The following CBLB variants were observed in gnomAD, a reference collection of about 807,000 sequenced individuals.
CBLB encodes E3 ubiquitin-protein ligase CBL-B.
Under a neutral mutation model 104.9 loss-of-function variants are expected in CBLB, and 31 were observed. That is an observed-to-expected ratio of 0.30 (90% CI 0.22 to 0.40). The LOEUF (loss-of-function observed/expected upper bound fraction) is 0.40, where lower values mean the gene tolerates loss of function less well. Ranked by LOEUF, CBLB falls within the 10% of genes least tolerant of loss-of-function variation. CBLB has a pLI of 1.00. For synonymous variants in CBLB, 440 were observed against 422.6 expected, an observed-to-expected ratio of 1.04 and a Z score of -0.51; for missense variants, 1,062 against 1,214.6, an observed-to-expected ratio of 0.87 and a Z score of 1.87.
At chr3:105,810,118 G>A (rs2084075550) in intron 3 of CBLB, among the ~76,000 whole-genome samples, 1 of 152,096 alleles carries the variant, frequency 6.6e-6, no homozygotes, top group Non-Finnish European at 1.5e-5. Flanking sequence ...CTTGATAGGA[G>A]CTCTACAAAT....
At chr3:105,840,638 C>T (rs1369003787) in intron 3 of CBLB, among the ~76,000 whole-genome samples, 7 of 152,154 alleles carry the variant, frequency 4.6e-5, no homozygotes, top group African/African-American at 7.2e-5. Flanking sequence ...ATTACATGCA[C>T]ACCCCAGTGT....
At chr3:105,721,886 T>C (rs752322891) in intron 9 of CBLB, among the ~76,000 whole-genome samples, 3 of 152,098 alleles carry the variant, frequency 2.0e-5, no homozygotes, top group Non-Finnish European at 2.9e-5. Context: ...AAAACTCCCC[T>C]TGTTATAAAA....
At chr3:105,729,281 C>T (rs866088634) in intron 9 of CBLB, among the ~76,000 whole-genome samples, 7 of 152,132 alleles carry the variant, frequency 4.6e-5, no homozygotes, top group Middle Eastern at 6.8e-3. Context: ...ACTTTAACTT[C>T]TTGGAGCTAA....
At chr3:105,862,556 C>T (rs914787380) in intron 2 of CBLB, among the ~76,000 whole-genome samples, 108 of 152,128 alleles carry the variant, frequency 7.1e-4, no homozygotes, top group African/African-American at 2.4e-3. Context: ...TTATTTCTTG[C>T]CCAGACTGTT....
intron 3 of CBLB, among the ~76,000 whole-genome samples, chr3:105,807,742 G>C (rs1380497084): frequency 6.6e-6 from 1 of 152,170 alleles, no homozygotes; most frequent in Non-Finnish European, 1.5e-5. Context: ...CTGTGAGTTT[G>C]TGCAAAGGTT....
chr3:105,750,553 A>C (rs2076512086), intron 5 of CBLB, among the ~76,000 whole-genome samples: 1 of 152,206 alleles, frequency 6.6e-6, no homozygotes, highest in African/African-American at 2.4e-5. Flanking sequence ...CAAATCATAA[A>C]AATGTTAAGC....
chr3:105,706,083 A>T (rs1164537999), intron 10 of CBLB, among the ~76,000 whole-genome samples: 1 of 152,076 alleles, frequency 6.6e-6, no homozygotes, highest in South Asian at 2.1e-4. Flanking sequence ...TTGACTCTAC[A>T]GTAAGCTATA....
At chr3:105,801,420 T>C (rs2082853562) in intron 3 of CBLB, among the ~76,000 whole-genome samples, 1 of 152,320 alleles carries the variant, frequency 6.6e-6, no homozygotes, top group Non-Finnish European at 1.5e-5. Context: ...CTACTTTAAG[T>C]ATAAGGAACT....
intron 18 of CBLB, among the ~76,000 whole-genome samples, chr3:105,668,669 T>G (rs1424459907): frequency 6.6e-6 from 1 of 152,162 alleles, no homozygotes; most frequent in Non-Finnish European, 1.5e-5. Context: ...AGAAATAAAC[T>G]GATAAGAGAA....
rs1456533820 is a variant in CBLB, at chr3:105,655,886, A to T, written c.*3084T>A. ...GAAATGCTTCTGGAACTGAAAAATT[A>T]AAAAATCACATTATGAAGAAATCTT... On this transcript the variant is annotated 3_prime_UTR_variant, in exon 19 of 19. Coordinates refer to ENST00000394030, the MANE Select transcript of CBLB (RefSeq NM_170662.5). 8.9e-6 allele frequency: 2 copies of T among 223,518 alleles called. No homozygotes were observed. The highest frequency in any genetic ancestry group is 1.8e-5 in the Non-Finnish European group (2 of 111,940). 13.8% of individuals were successfully genotyped at this position (223,518 alleles called of 1,614,324 possible).
chr3:105,799,493 A>G lies in CBLB; in HGVS notation c.420-22951T>C, dbSNP rs548373743. On this transcript the variant is annotated intron_variant, in intron 3 of 18. Transcript: ENST00000394030. Reference sequence around the variant, plus strand: ...TAAAGTTATTCTATGCACAACTGGAAAACACCCGCATAACAAGCATTAAAA... The same window carrying G: ...TAAAGTTATTCTATGCACAACTGGAGAACACCCGCATAACAAGCATTAAAA... Among the ~76,000 whole-genome samples the G allele has an allele frequency of 9.4e-4, 143 of 152,280 alleles. 1 individual carries two copies. The highest frequency in any genetic ancestry group is 3.4e-3 in the African/African-American group (142 of 41,564).
At chr3:105,741,590 G>GT (rs2075591612) in intron 6 of CBLB, among the ~76,000 whole-genome samples, 3 of 152,232 alleles carry the variant, frequency 2.0e-5, no homozygotes, top group Middle Eastern at 6.8e-3. Flanking sequence ...TAGAGATGGG[G>GT]TTCACCGTGT....
intron 18 of CBLB, 85 bp from the exon 19 acceptor site, chr3:105,659,314 CT>C: frequency 1.5e-6 from 2 of 1,306,670 alleles, no homozygotes; most frequent in Non-Finnish European, 2.2e-6. Flanking sequence ...ATCTCATTTC[CT>C]ATGGAAATAT....
At chr3:105,837,211 C>T (rs1057064001) in intron 3 of CBLB, among the ~76,000 whole-genome samples, 12 of 152,216 alleles carry the variant, frequency 7.9e-5, no homozygotes, top group African/African-American at 2.9e-4. Context: ...TATTAATGCA[C>T]TGCCTCAAGA....
In CBLB at chr3:105,658,872, G is replaced by A; in HGVS notation, c.*98C>T. On this transcript the variant is annotated 3_prime_UTR_variant, in exon 19 of 19. Coordinates refer to ENST00000394030, the MANE Select transcript of CBLB (RefSeq NM_170662.5). Reference sequence around the variant, plus strand: ...TCTTCTCAAGCTGCTACACGAGGAGGAGACACTTCTCTCTTGAATTCCATC... The same window carrying A: ...TCTTCTCAAGCTGCTACACGAGGAGAAGACACTTCTCTCTTGAATTCCATC... 1 of 1,320,268 alleles carries A rather than the reference G, an allele frequency of 7.6e-7. No individual in the cohort carries two copies. The highest frequency in any genetic ancestry group is 1.1e-6 in the Non-Finnish European group (1 of 925,544). 81.8% of individuals were successfully genotyped at this position (1,320,268 alleles called of 1,614,324 possible). A position where few individuals can be genotyped will look rare whatever the true frequency, so the allele number is the denominator to read the frequency against.
intron 9 of CBLB, among the ~76,000 whole-genome samples, chr3:105,726,062 T>G (rs758177116): frequency 6.6e-6 from 1 of 152,178 alleles, no homozygotes; most frequent in Non-Finnish European, 1.5e-5. Context: ...TTGGCTAGGC[T>G]GGTCTTGAAC....
chr3:105,779,940 G>T (rs2079973940), intron 3 of CBLB, among the ~76,000 whole-genome samples: 1 of 147,838 alleles, frequency 6.8e-6, no homozygotes, highest in Admixed American at 6.7e-5. Context: ...TGCAACTTCT[G>T]CCTCCCGGGT....
chr3:105,713,865 C>T (rs1446233096), intron 10 of CBLB, among the ~76,000 whole-genome samples: 5 of 152,104 alleles, frequency 3.3e-5, no homozygotes, highest in African/African-American at 1.2e-4. Flanking sequence ...TGGGTAGGAC[C>T]ACCCATGGGC....
chr3:105,855,276 G>T (rs2091455060), intron 2 of CBLB, among the ~76,000 whole-genome samples: 1 of 152,188 alleles, frequency 6.6e-6, no homozygotes, highest in Non-Finnish European at 1.5e-5. Context: ...AAGAAATGGA[G>T]AGAAGAAGGT....
Sources: gnomAD v4.1 joint callset for allele counts (sites outside exome capture counted in the v4.1 genomes callset) on GRCh38, gnomAD v4.1.1 for gene constraint, MANE v1.5 for transcripts, NCBI Gene and HGNC (gene_info 2026-07-23, HGNC 2026-07-21) for gene names.